The following BRDT variants were observed in gnomAD, a reference collection of about 807,000 sequenced individuals.
BRDT encodes bromodomain testis-specific protein.
BRDT carries 77 observed loss-of-function variants against 113.9 expected under a neutral mutation model. That is an observed-to-expected ratio of 0.68 (90% CI 0.56 to 0.82). The LOEUF (loss-of-function observed/expected upper bound fraction) is 0.82. BRDT is among the 40% of genes least tolerant of loss of function. The probability of loss-of-function intolerance (pLI) is 0.00; values close to 1 mark genes in which losing one functional copy is unlikely to be tolerated. For synonymous variants in BRDT, 358 were observed against 366.5 expected, an observed-to-expected ratio of 0.98 and a Z score of 0.26; for missense variants, 1,027 against 1,105.4, an observed-to-expected ratio of 0.93 and a Z score of 1.01.
chr1:91,995,707 G>A (rs940069503), intron 15 of BRDT, among the ~76,000 whole-genome samples: 3 of 150,624 alleles, frequency 2.0e-5, no homozygotes, highest in Admixed American at 1.3e-4. Context: ...TGCAATCTTG[G>A]CTCACTGCAA....
intron 15 of BRDT, among the ~76,000 whole-genome samples, chr1:92,001,009 G>A (rs889182716): frequency 2.6e-5 from 4 of 152,106 alleles, no homozygotes; most frequent in African/African-American, 4.8e-5. Context: ...GACTTACTGC[G>A]TTTCACATCC....
intron 15 of BRDT, among the ~76,000 whole-genome samples, chr1:91,998,198 C>G (rs1686520403): frequency 6.6e-6 from 1 of 152,098 alleles, no homozygotes; most frequent in Non-Finnish European, 1.5e-5. Flanking sequence ...GAGTTCATGT[C>G]CTTTGCAGGG....
At chr1:91,976,152 A>G in intron 4 of BRDT, 114 bp from the exon 5 acceptor site, 1 of 999,872 alleles carries the variant, frequency 1.0e-6, no homozygotes, top group Non-Finnish European at 1.4e-6. Flanking sequence ...TGAAATAAGT[A>G]TCCTATGCTT....
chr1:91,979,825 G>A, intron 8 of BRDT, 68 bp downstream of exon 8: 2 of 1,467,592 alleles, frequency 1.4e-6, no homozygotes, highest in Non-Finnish European at 9.2e-7. Flanking sequence ...AATTTTTTCT[G>A]CAGATTTAAA....
intron 2 of BRDT, among the ~76,000 whole-genome samples, chr1:91,963,396 G>C (rs900650239): frequency 1.3e-5 from 2 of 152,006 alleles, no homozygotes; most frequent in Non-Finnish European, 2.9e-5. Context: ...TTTTTTCCAA[G>C]AAAAAAGCTT....
intron 8 of BRDT, 28 bp downstream of exon 8, chr1:91,979,785 G>T (rs1684544560): frequency 6.4e-7 from 1 of 1,573,134 alleles, no homozygotes. Context: ...TACAAATTTT[G>T]ATAATCTATG....
At chr1:91,957,424 C>T (rs4367824) in intron 1 of BRDT, 10,176 of 151,830 alleles carry the variant, frequency 0.067, 402 homozygotes, top group African/African-American at 0.097. Flanking sequence ...ATCTGGGAGG[C>T]GGAGCTTGGA....
In BRDT at chr1:91,970,020, G is replaced by A. The variant is rs543299009; in HGVS notation, c.445+1760G>A. ...ATTTTTGTATTTTTTAGTAGAGATGGGGTTTCACCATGTTGGCCAGGCTGG... is the reference window on the plus strand; with the variant it reads ...ATTTTTGTATTTTTTAGTAGAGATGAGGTTTCACCATGTTGGCCAGGCTGG... On this transcript the variant is annotated intron_variant, in intron 4 of 18. Transcript: ENST00000399546. 1.7e-4 allele frequency among the ~76,000 whole-genome samples: 26 copies of A among 151,896 alleles called. 1 individual carries two copies. In the South Asian group the frequency reaches 5.0e-3, roughly 29 times the overall value.
chr1:91,964,873 C>T (rs2101585153), intron 3 of BRDT, 109 bp downstream of exon 3: 2 of 687,728 alleles, frequency 2.9e-6, no homozygotes, highest in Non-Finnish European at 4.3e-6. Flanking sequence ...GTTTGAGATA[C>T]TTGACGTGTG....
chr1:92,014,408 A>C lies in BRDT; in HGVS notation c.*134A>C, dbSNP rs1246142188. 3 of 542,420 alleles carry C rather than the reference A, an allele frequency of 5.5e-6. No homozygotes were observed. Among genetic ancestry groups the C allele is most frequent in the Non-Finnish European group, 9.4e-6 (3 of 319,332 alleles). 33.6% of individuals were successfully genotyped at this position (542,420 alleles called of 1,614,324 possible). A position where few individuals can be genotyped will look rare whatever the true frequency, so the allele number is the denominator to read the frequency against. On this transcript the variant is annotated 3_prime_UTR_variant, in exon 19 of 19. Coordinates refer to ENST00000399546, the MANE Select transcript of BRDT (RefSeq NM_207189.4). ...TTTGACTGCTCTAAAATGATTAAAC[A>C]GTTTTCACTTACATTTTTAATAGCT...
rs189815749 is a variant in BRDT at position 91,977,471 on chromosome 1, T to A, written c.969+78T>A. On this transcript the variant is annotated intron_variant, in intron 6 of 18. Transcript: ENST00000399546. ...TCATCATTGCAAAGAAATCTTAAAA[T>A]CTAGAAAAAGATGAAGGAAATTAAG... 6 of 1,229,138 alleles carry A rather than the reference T, an allele frequency of 4.9e-6. No homozygotes were observed. The Admixed American group carries it at 1.6e-4, about 32-fold the overall frequency. 76.1% of individuals were successfully genotyped at this position (1,229,138 alleles called of 1,614,324 possible).
intron 4 of BRDT, among the ~76,000 whole-genome samples, chr1:91,970,246 TG>T (rs1166484877): frequency 3.9e-5 from 6 of 152,214 alleles, no homozygotes; most frequent in African/African-American, 1.2e-4. Context: ...TAACATATGC[TG>T]TGTTTGAAAA....
intron 12 of BRDT, among the ~76,000 whole-genome samples, chr1:91,985,189 G>A (rs1026007486): frequency 2.0e-5 from 3 of 151,784 alleles, no homozygotes; most frequent in Non-Finnish European, 4.4e-5. Flanking sequence ...TCAAGCGATC[G>A]AGTAGCTGGG....
At chr1:92,013,748 A>C (rs1210958157) in intron 18 of BRDT, among the ~76,000 whole-genome samples, 1 of 152,242 alleles carries the variant, frequency 6.6e-6, no homozygotes, top group Non-Finnish European at 1.5e-5. Context: ...AAGTGGCAGA[A>C]TCAAGGAAAG....
rs773482957 is a variant in BRDT, at chr1:91,994,229, A to G, written c.2262A>G (p.Ser754=). ...LEHLQTVKNI[S]PLQILPPSGD... The stretch of plus-strand genomic sequence containing the variant: ...ATTTACAGACTGTGAAAAACATTTC[A>G]CCTTTACAAATTCTGCCTCCCTCAG... Residue 754 remains serine, a synonymous_variant, in exon 15 of 19, where the codon TCA becomes TCG. Transcript: ENST00000399546. 3 of 1,607,738 alleles carry G rather than the reference A, an allele frequency of 1.9e-6. No homozygotes were observed. Among genetic ancestry groups the G allele is most frequent in the Non-Finnish European group, 2.5e-6 (3 of 1,178,102 alleles).
At chr1:91,956,581 G>A (rs1557798058) in intron 1 of BRDT, among the ~76,000 whole-genome samples, 2 of 152,088 alleles carry the variant, frequency 1.3e-5, no homozygotes, top group African/African-American at 2.4e-5. Flanking sequence ...TGGTTAACTA[G>A]GGGCCATCAT....
chr1:91,953,551 G>A (rs984097187), intron 1 of BRDT, among the ~76,000 whole-genome samples: 2 of 151,968 alleles, frequency 1.3e-5, no homozygotes, highest in Non-Finnish European at 2.9e-5. Flanking sequence ...ATGATGGCGG[G>A]TGCCTGTAAT....
chr1:91,981,530 G>T, intron 11 of BRDT, 88 bp from the exon 12 acceptor site: 2 of 1,571,374 alleles, frequency 1.3e-6, no homozygotes, highest in South Asian at 2.4e-5. Flanking sequence ...AGGCATGCGC[G>T]ACCATGCCCA....
intron 1 of BRDT, among the ~76,000 whole-genome samples, chr1:91,952,759 C>T (rs938104691): frequency 4.6e-5 from 5 of 107,528 alleles, no homozygotes; most frequent in East Asian, 5.8e-4. Context: ...GCCTGGGTAA[C>T]GTAGTGAGAC....
Sources: gnomAD v4.1 joint callset for allele counts (sites outside exome capture counted in the v4.1 genomes callset) on GRCh38, gnomAD v4.1.1 for gene constraint, MANE v1.5 for transcripts, NCBI Gene and HGNC (gene_info 2026-07-23, HGNC 2026-07-21) for gene names.